Variants in FAXC observed in about 807,000 individuals in gnomAD.
The protein encoded by FAXC is failed axon connections homolog.
In FAXC, 10 loss-of-function variants were observed where a neutral mutation model predicts 41.9. That is an observed-to-expected ratio of 0.24 (90% confidence interval 0.15 to 0.41). The LOEUF is 0.41. Ranked by LOEUF, FAXC falls within the 10% of genes least tolerant of loss-of-function variation. The pLI, the probability that FAXC is intolerant of heterozygous loss-of-function variation, is 1.00. For missense variants in FAXC, 399 were observed against 510.9 expected (o/e 0.78, Z 2.11); for synonymous variants, 183 against 183.8 (o/e 1.00, Z 0.03).
At chr6:99,297,455 G>C (rs1007824498) in intron 4 of FAXC, among the ~76,000 whole-genome samples, 2 of 152,180 alleles carry the variant, frequency 1.3e-5, no homozygotes, top group African/African-American at 4.8e-5. Context: ...CAAGCAAGCT[G>C]CAAAGCTGAA....
rs547646949 is a variant in FAXC, at chr6:99,325,944, C to T, written c.600-2277G>A. Among the ~76,000 whole-genome samples the T allele has an allele frequency of 6.6e-5, 10 of 152,286 alleles. No individual in the cohort carries two copies. The East Asian group carries it at 9.7e-4, about 15-fold the overall frequency. On this transcript the variant is annotated intron_variant, in intron 3 of 5. Coordinates refer to ENST00000389677, the MANE Select transcript of FAXC (RefSeq NM_032511.4). Reference sequence around the variant, plus strand: ...AGATTTGATCATAAGCATAACTGATCGAGCTCACCGGGCAGAGCAGAGGGT... The same window carrying T: ...AGATTTGATCATAAGCATAACTGATTGAGCTCACCGGGCAGAGCAGAGGGT...
At chr6:99,282,984 T>C (rs1431822832) in intron 5 of FAXC, among the ~76,000 whole-genome samples, 2 of 152,220 alleles carry the variant, frequency 1.3e-5, no homozygotes, top group Non-Finnish European at 2.9e-5. Context: ...CAACGTATAA[T>C]AAAAATCTTT....
intron 5 of FAXC, among the ~76,000 whole-genome samples, chr6:99,283,359 C>A (rs370085643): frequency 1.3e-5 from 2 of 152,152 alleles, no homozygotes; most frequent in East Asian, 3.9e-4. Flanking sequence ...TCTCCTGTAA[C>A]ATTATTGTAA....
At chr6:99,284,721 T>A (rs977954081) in intron 5 of FAXC, among the ~76,000 whole-genome samples, 1 of 152,104 alleles carries the variant, frequency 6.6e-6, no homozygotes, top group African/African-American at 2.4e-5. Context: ...GATACCAGCC[T>A]GGCCAACATG....
At chr6:99,347,340 T>C (rs1325502137) in intron 1 of FAXC, among the ~76,000 whole-genome samples, 1 of 150,310 alleles carries the variant, frequency 6.7e-6, no homozygotes, top group Non-Finnish European at 1.5e-5. Context: ...AGGTGGAGGT[T>C]GCAATGAGCT....
At chr6:99,290,632 G>C (rs192638270) in intron 5 of FAXC, among the ~76,000 whole-genome samples, 1 of 151,496 alleles carries the variant, frequency 6.6e-6, no homozygotes, top group Non-Finnish European at 1.5e-5. Context: ...AACCCGGGAG[G>C]CGGAGGTTGT....
intron 5 of FAXC, among the ~76,000 whole-genome samples, chr6:99,284,611 T>C (rs1471327931): frequency 7.1e-6 from 1 of 141,768 alleles, no homozygotes; most frequent in Non-Finnish European, 1.6e-5. Flanking sequence ...TAAGCCTGTG[T>C]TAATATAAAT....
intron 3 of FAXC, among the ~76,000 whole-genome samples, chr6:99,324,188 T>C (rs1412330012): frequency 1.6e-5 from 1 of 63,288 alleles, no homozygotes; most frequent in Non-Finnish European, 2.8e-5. Flanking sequence ...TTTCATGACA[T>C]AAAAGAGTTA....
chr6:99,340,253 C>G (rs539549034), intron 2 of FAXC, among the ~76,000 whole-genome samples: 29 of 152,178 alleles, frequency 1.9e-4, no homozygotes, highest in Admixed American at 1.7e-3. Flanking sequence ...GCACACGCCA[C>G]TACCGCCCAG....
chr6:99,342,490 G>A (rs1350054228), intron 2 of FAXC, among the ~76,000 whole-genome samples: 1 of 152,050 alleles, frequency 6.6e-6, no homozygotes, highest in South Asian at 2.1e-4. Context: ...GATTACAGGC[G>A]TCTGCCACTA....
chr6:99,291,213 T>C (rs1208774614), intron 5 of FAXC, among the ~76,000 whole-genome samples: 1 of 152,330 alleles, frequency 6.6e-6, no homozygotes. Context: ...TACAGTTACA[T>C]GTGCAACATC....
intron 4 of FAXC, 109 bp downstream of exon 4, chr6:99,323,335 C>T: frequency 1.0e-6 from 1 of 960,984 alleles, no homozygotes; most frequent in Non-Finnish European, 1.5e-6. Flanking sequence ...CACATGGAAG[C>T]AAAGAAATCA....
chr6:99,348,996 G>T, intron 1 of FAXC, 111 bp downstream of exon 1: 1 of 1,043,164 alleles, frequency 9.6e-7, no homozygotes, highest in Non-Finnish European at 1.4e-6. Context: ...AGGGCGCTTG[G>T]GCATCTGGGC....
chr6:99,349,873 G>A (rs1457106611), upstream of FAXC: 2 of 152,254 alleles, frequency 1.3e-5, no homozygotes, highest in African/African-American at 2.4e-5. Flanking sequence ...GGCAAGGGCG[G>A]CGGAGGTGCC....
At chr6:99,324,579 G>A (rs1297741913) in intron 3 of FAXC, among the ~76,000 whole-genome samples, 1 of 152,074 alleles carries the variant, frequency 6.6e-6, no homozygotes, top group Non-Finnish European at 1.5e-5. Flanking sequence ...TTGCTCATTC[G>A]GGTGCTCCTG....
chr6:99,331,275 G>T (rs1410966108), intron 3 of FAXC, among the ~76,000 whole-genome samples: 1 of 152,084 alleles, frequency 6.6e-6, no homozygotes, highest in Non-Finnish European at 1.5e-5. Context: ...GTCCTTAGAA[G>T]AGTCTACATA....
chr6:99,339,042 T>C (rs1347210104), intron 2 of FAXC, among the ~76,000 whole-genome samples: 1 of 152,202 alleles, frequency 6.6e-6, no homozygotes, highest in Admixed American at 6.5e-5. Flanking sequence ...TGTCCCAGCA[T>C]TGCCTTAGAA....
intron 4 of FAXC, among the ~76,000 whole-genome samples, chr6:99,309,079 G>A (rs1055089979): frequency 5.3e-5 from 8 of 152,124 alleles, no homozygotes; most frequent in South Asian, 2.1e-4. Flanking sequence ...GGCAACTTAC[G>A]GGTGGGGATG....
chr6:99,330,769 C>G (rs1247971300), intron 3 of FAXC, among the ~76,000 whole-genome samples: 1 of 152,202 alleles, frequency 6.6e-6, no homozygotes. Context: ...AACAAGATAT[C>G]ACGGAAAGCT....
Sources: gnomAD v4.1 joint callset for allele counts (sites outside exome capture counted in the v4.1 genomes callset) on GRCh38, gnomAD v4.1.1 for gene constraint, MANE v1.5 for transcripts, NCBI Gene and HGNC (gene_info 2026-07-23, HGNC 2026-07-21) for gene names.